Variants in COL25A1 observed in about 807,000 individuals in gnomAD.
COL25A1 encodes collagen alpha-1(XXV) chain.
COL25A1 carries 103 observed loss-of-function variants against 128.4 expected under a neutral mutation model. The ratio of observed to expected loss-of-function variants is 0.80; its 90% CI spans 0.68 to 0.94. The LOEUF (loss-of-function observed/expected upper bound fraction) is 0.94. COL25A1 is among the 40% of genes least tolerant of loss of function. COL25A1 has a pLI of 0.00. For synonymous variants in COL25A1, 279 were observed against 277.2 expected (o/e 1.01, Z -0.06); for missense variants, 745 against 840.0 (o/e 0.89, Z 1.40).
At chr4:108,866,459 C>T (rs1737935615) in intron 20 of COL25A1, among the ~76,000 whole-genome samples, 1 of 152,176 alleles carries the variant, frequency 6.6e-6, no homozygotes, top group South Asian at 2.1e-4. Context: ...TCCCAAAGTG[C>T]TGGGATTACA....
At chr4:108,845,932 C>T (rs1033962363) in intron 28 of COL25A1, among the ~76,000 whole-genome samples, 2 of 152,062 alleles carry the variant, frequency 1.3e-5, no homozygotes, top group African/African-American at 4.8e-5. Flanking sequence ...ATGAAGGCTT[C>T]CTTTATAATT....
chr4:109,293,490 A>C (rs1157395970), intron 3 of COL25A1, among the ~76,000 whole-genome samples: 1 of 152,062 alleles, frequency 6.6e-6, no homozygotes, highest in African/African-American at 2.4e-5. Context: ...TACAAACTAG[A>C]GCTGGCTACA....
intron 3 of COL25A1, among the ~76,000 whole-genome samples, chr4:109,085,264 A>G (rs907955907): frequency 6.6e-6 from 1 of 152,220 alleles, no homozygotes; most frequent in Non-Finnish European, 1.5e-5. Context: ...ATTGTCTTCT[A>G]TGTGAACAGA....
rs1313363796 is a variant in COL25A1 at position 108,810,318 on chromosome 4, TATAG to T, written c.*3605_*3608del. ...TTTTCTAAACTAGCACATATGTCTA[TATAG>T]ATAGATAGTTAGACAAAGGACATGT... On this transcript the variant is annotated 3_prime_UTR_variant, in exon 38 of 38. Coordinates refer to ENST00000399132, the MANE Select transcript of COL25A1 (RefSeq NM_198721.4). 5 of 152,088 alleles carry T rather than the reference TATAG, an allele frequency of 3.3e-5. No individual in the cohort carries two copies. The highest frequency in any genetic ancestry group is 3.4e-3 in the Middle Eastern group (1 of 294). The allele number at this position is 152,088 out of a possible 1,614,324, so 9.4% of individuals were successfully genotyped here.
chr4:109,062,503 T>C (rs967945290), intron 3 of COL25A1, among the ~76,000 whole-genome samples: 14 of 152,196 alleles, frequency 9.2e-5, no homozygotes, highest in Admixed American at 7.2e-4. Context: ...GTCTATTTTA[T>C]GCTCCTTAGT....
At chr4:109,155,111 C>A (rs575377064) in intron 3 of COL25A1, among the ~76,000 whole-genome samples, 2 of 152,278 alleles carry the variant, frequency 1.3e-5, no homozygotes, top group East Asian at 3.9e-4. Context: ...ATTAAATATT[C>A]CCTTTTTAAG....
In COL25A1 at chr4:108,942,329, AG is replaced by A. The variant is rs1408948120; in HGVS notation, c.493-893del. ...TAAAACGTCACACAGACATTTCACT[AG>A]GGGACAAACAAAACAAGCACATACC... On this transcript the variant is annotated intron_variant, in intron 8 of 37. Coordinates refer to ENST00000399132, the MANE Select transcript of COL25A1 (RefSeq NM_198721.4). 4.5e-5 allele frequency: 66 copies of A among 1,465,048 alleles called. No homozygotes were observed. In the South Asian group the frequency reaches 7.2e-4, roughly 16 times the overall value. The allele number at this position is 1,465,048 out of a possible 1,614,324, so 90.8% of individuals were successfully genotyped here. A position where few individuals can be genotyped will look rare whatever the true frequency, so the allele number is the denominator to read the frequency against.
intron 3 of COL25A1, among the ~76,000 whole-genome samples, chr4:109,113,864 T>C (rs1208743109): frequency 4.6e-5 from 7 of 152,114 alleles, no homozygotes; most frequent in East Asian, 1.9e-4. Context: ...ACTGAGCAGA[T>C]ATGAAATTAA....
In COL25A1 at chr4:109,292,687, C is replaced by T. The variant is rs184173424; in HGVS notation, c.367+7896G>A. ...ACACTGGTAGTAGAACAGAATTATA[C>T]CATGAGACCACTTACCAGTTAGCAT... On this transcript the variant is annotated intron_variant, in intron 3 of 37. Coordinates refer to ENST00000399132, the MANE Select transcript of COL25A1 (RefSeq NM_198721.4). Among the ~76,000 whole-genome samples the T allele has an allele frequency of 2.1e-3, 325 of 152,108 alleles. 4 individuals are homozygous for T. In the South Asian group the frequency reaches 0.027, roughly 12 times the overall value.
At chr4:109,191,521 C>A (rs1304225823) in intron 3 of COL25A1, among the ~76,000 whole-genome samples, 1 of 152,160 alleles carries the variant, frequency 6.6e-6, no homozygotes, top group Non-Finnish European at 1.5e-5. Context: ...CCTTTCACCT[C>A]GGCCAACCAC....
rs369609800 is a variant in COL25A1 at position 109,037,410 on chromosome 4, T to C, written c.420+10758A>G. ...GGAGGAGGGGAGCTCACAGTGAGGC[T>C]GTCTGGCATGGTCTGCAGCGCAGCC... is the stretch of plus-strand genomic sequence containing the variant. On this transcript the variant is annotated intron_variant, in intron 5 of 37. Coordinates refer to ENST00000399132, the MANE Select transcript of COL25A1 (RefSeq NM_198721.4). Among the ~76,000 whole-genome samples the C allele has an allele frequency of 1.5e-4, 23 of 152,330 alleles. No homozygotes were observed. In the South Asian group the frequency reaches 4.6e-3, roughly 30 times the overall value.
chr4:108,847,097 G>A (rs6857974), intron 27 of COL25A1, among the ~76,000 whole-genome samples: 118,642 of 151,782 alleles, frequency 0.78, 46,979 homozygotes, highest in South Asian at 0.88. Context: ...GTAGAGACGA[G>A]GTTTCACCAT....
intron 5 of COL25A1, among the ~76,000 whole-genome samples, chr4:109,012,520 C>A (rs542760777): frequency 3.4e-4 from 52 of 152,298 alleles, no homozygotes; most frequent in African/African-American, 1.2e-3. Flanking sequence ...GCTCGTGGGC[C>A]AGCGCGAGTT....
At position 109,135,917 on chromosome 4, in the gene COL25A1, G is replaced by A. The variant is rs568393578; in HGVS notation, c.368-85738C>T. The stretch of plus-strand genomic sequence containing the variant: ...GTCACATTCACTGTACAGACTATAC[G>A]CAGCCTAGAGTCTGAGACACAGTTA... On this transcript the variant is annotated intron_variant, in intron 3 of 37. Coordinates refer to ENST00000399132, the MANE Select transcript of COL25A1 (RefSeq NM_198721.4). Among the ~76,000 whole-genome samples the A allele has an allele frequency of 3.3e-5, 5 of 152,204 alleles. No individual in the cohort carries two copies. In the East Asian group the frequency reaches 7.7e-4, roughly 24 times the overall value.
At chr4:109,251,561 A>C (rs1048278696) in intron 3 of COL25A1, among the ~76,000 whole-genome samples, 4 of 152,220 alleles carry the variant, frequency 2.6e-5, no homozygotes, top group African/African-American at 4.8e-5. Context: ...CTGCCAGCAC[A>C]GTAACTCCCT....
chr4:109,223,958 A>G (rs1196902244), intron 3 of COL25A1, among the ~76,000 whole-genome samples: 1 of 152,194 alleles, frequency 6.6e-6, no homozygotes. Context: ...TTTGAAATAT[A>G]TATCACAGAA....
At chr4:109,041,539 A>AG (rs11431138) in intron 5 of COL25A1, among the ~76,000 whole-genome samples, 76,456 of 151,764 alleles carry the variant, frequency 0.5, 21,357 homozygotes, top group African/African-American at 0.73. Context: ...TTACTTCTTC[A>AG]GAATTATTTC....
intron 8 of COL25A1, among the ~76,000 whole-genome samples, chr4:108,950,408 A>G (rs2070533692): frequency 6.6e-6 from 1 of 152,306 alleles, no homozygotes; most frequent in African/African-American, 2.4e-5. Flanking sequence ...CTGAAGCACT[A>G]CACAGAAGTA....
At chr4:109,093,457 G>GA (rs564834752) in intron 3 of COL25A1, among the ~76,000 whole-genome samples, 3,847 of 69,178 alleles carry the variant, frequency 0.056, 71 homozygotes, top group Middle Eastern at 0.082. Flanking sequence ...CCATCTCTAT[G>GA]AAAAAAAAAA....
Sources: gnomAD v4.1 joint callset for allele counts (sites outside exome capture counted in the v4.1 genomes callset) on GRCh38, gnomAD v4.1.1 for gene constraint, MANE v1.5 for transcripts, NCBI Gene and HGNC (gene_info 2026-07-23, HGNC 2026-07-21) for gene names.